COLGALT1: variants seen among roughly 807,000 people sequenced by gnomAD.
COLGALT1 encodes the protein collagen beta(1-O)galactosyltransferase 1, also known as procollagen galactosyltransferase 1.
In COLGALT1, 43 loss-of-function variants were observed where a neutral mutation model predicts 60.8. That is an observed-to-expected ratio of 0.71 (90% CI 0.55 to 0.91). The LOEUF (loss-of-function observed/expected upper bound fraction) is 0.91. Among genes scored for constraint, COLGALT1 ranks in the 40% least tolerant of loss-of-function variants. The pLI is 0.00. For synonymous variants in COLGALT1, 369 were observed against 374.2 expected, an observed-to-expected ratio of 0.99 and a Z score of 0.16; for missense variants, 845 against 880.0, an observed-to-expected ratio of 0.96 and a Z score of 0.50.
intron 5 of COLGALT1, among the ~76,000 whole-genome samples, chr19:17,569,119 G>A (rs1396840340): frequency 6.6e-6 from 1 of 152,062 alleles, no homozygotes; most frequent in Non-Finnish European, 1.5e-5. Context: ...GGCTGAGGCG[G>A]GAGGATCACT....
chr19:17,564,984 C>T (rs952889847), intron 3 of COLGALT1, among the ~76,000 whole-genome samples: 2 of 152,012 alleles, frequency 1.3e-5, no homozygotes, highest in Non-Finnish European at 2.9e-5. Flanking sequence ...TATGGCGTTT[C>T]GTGTCTGGTT....
chr19:17,570,926 T>A (rs2076308999), intron 5 of COLGALT1, among the ~76,000 whole-genome samples: 1 of 152,102 alleles, frequency 6.6e-6, no homozygotes, highest in African/African-American at 2.4e-5. Context: ...TTGTGACACA[T>A]GAAAACTGTA....
intron 6 of COLGALT1, 191 bp from the exon 7 acceptor site, chr19:17,577,004 T>TGGC: frequency 3.3e-6 from 1 of 307,172 alleles, no homozygotes; most frequent in Non-Finnish European, 6.1e-6. Context: ...GGCCAGGGCT[T>TGGC]TGGGCTGCTG....
At position 17,582,792 on chromosome 19, in the gene COLGALT1, G is replaced by A. The variant is rs542309841; in HGVS notation, c.*1348G>A. 6.6e-6 allele frequency: 1 copy of A among 152,390 alleles called. No homozygotes were observed. The highest frequency in any genetic ancestry group is 1.9e-4 in the East Asian group (1 of 5,180). 9.4% of individuals were successfully genotyped at this position (152,390 alleles called of 1,614,324 possible). A position where few individuals can be genotyped will look rare whatever the true frequency, so the allele number is the denominator to read the frequency against. On this transcript the variant is annotated 3_prime_UTR_variant, in exon 12 of 12. Coordinates refer to ENST00000252599, the MANE Select transcript of COLGALT1 (RefSeq NM_024656.4). ...CCACCAGGGGCAAGCACAGGTCCTG[G>A]TGGCCCCACGCCACATGTTAGCCCC... is the stretch of plus-strand genomic sequence containing the variant.
rs1368622729 is a variant in COLGALT1, at chr19:17,572,620, C to G, written c.949+18C>G. 4.3e-6 allele frequency: 7 copies of G among 1,613,192 alleles called. No homozygotes were observed. The highest frequency in any genetic ancestry group is 1.6e-4 in the Middle Eastern group (1 of 6,076). On this transcript the variant is annotated intron_variant, in intron 6 of 11. Coordinates refer to ENST00000252599, the MANE Select transcript of COLGALT1 (RefSeq NM_024656.4). ...GGTCATGGGTGAGTCTGCCTGCACACCGCCCTGGGAGGTGCCAGGTTGCCT... is the reference window on the plus strand; with the variant it reads ...GGTCATGGGTGAGTCTGCCTGCACAGCGCCCTGGGAGGTGCCAGGTTGCCT...
intron 1 of COLGALT1, 46 bp from the exon 2 acceptor site, chr19:17,559,265 C>A: frequency 2.1e-6 from 3 of 1,423,202 alleles, no homozygotes; most frequent in Non-Finnish European, 1.9e-6. Context: ...CTGCCTGGTC[C>A]TGCCTCAGTC....
intron 1 of COLGALT1, among the ~76,000 whole-genome samples, chr19:17,558,988 G>A (rs1245489052): frequency 5.3e-5 from 8 of 151,856 alleles, no homozygotes; most frequent in Non-Finnish European, 7.4e-5. Flanking sequence ...GTGAAACCCC[G>A]TCTCTACTAA....
chr19:17,579,260 G>A (rs2076363728), intron 9 of COLGALT1, among the ~76,000 whole-genome samples: 1 of 152,194 alleles, frequency 6.6e-6, no homozygotes, highest in African/African-American at 2.4e-5. Flanking sequence ...GGTGCATGAG[G>A]CGTGGGCATT....
At chr19:17,558,962 C>G (rs1000340929) in intron 1 of COLGALT1, among the ~76,000 whole-genome samples, 5 of 152,012 alleles carry the variant, frequency 3.3e-5, no homozygotes, top group South Asian at 2.1e-4. Context: ...AGATCGAGAC[C>G]AGCCTGGCCA....
At chr19:17,567,240 G>T (rs2076284575) in intron 3 of COLGALT1, among the ~76,000 whole-genome samples, 166 bp from the exon 4 acceptor site, 1 of 152,218 alleles carries the variant, frequency 6.6e-6, no homozygotes, top group African/African-American at 2.4e-5. Flanking sequence ...TGATCCAGGG[G>T]ATCCTGCAGG....
rs138950257 is a variant in COLGALT1 at position 17,582,055 on chromosome 19, C to T, written c.*611C>T. On this transcript the variant is annotated 3_prime_UTR_variant, in exon 12 of 12. Coordinates refer to ENST00000252599, the MANE Select transcript of COLGALT1 (RefSeq NM_024656.4). ...TCCCAAGTAGCTGGGACTATAGGTG[C>T]GTGCCATCACATCTGGCTAGTTTTT... 282 of 154,022 alleles carry T rather than the reference C, an allele frequency of 1.8e-3. 1 individual carries two copies. The highest frequency in any genetic ancestry group is 6.3e-3 in the African/African-American group (261 of 41,484). 9.5% of individuals were successfully genotyped at this position (154,022 alleles called of 1,614,324 possible).
chr19:17,578,171 T>G, intron 9 of COLGALT1, 82 bp downstream of exon 9: 1 of 1,410,536 alleles, frequency 7.1e-7, no homozygotes, highest in Non-Finnish European at 9.3e-7. Context: ...GTTGAAAGAG[T>G]TCCCCAAAGC....
At chr19:17,580,610 A>T in intron 10 of COLGALT1, 89 bp from the exon 11 acceptor site, 1 of 1,302,772 alleles carries the variant, frequency 7.7e-7, no homozygotes, top group Non-Finnish European at 1.1e-6. Context: ...CCATCCCAGG[A>T]CCTGACGGGG....
chr19:17,579,831 C>A, intron 10 of COLGALT1: 1 of 589,964 alleles, frequency 1.7e-6, no homozygotes. Context: ...GGCCACAGCG[C>A]TGCAGCTGAG....
Position 17,555,972 on chromosome 19 carries a change from T to C in COLGALT1, c.259T>C (p.Trp87Arg). ...GCACCCGCGGGAGCGCACGGCGCTA[T>C]GGTGAGTCGAGCCCGCTGTCCCCAT... ...LRHPRERTAL[W>R]VATDHNMDNT... The change falls in exon 1 of 12, where the codon TGG (tryptophan) becomes CGG (arginine). Residue 87 changes from tryptophan (W) to arginine (R), a missense_variant and splice_region_variant. Transcript: ENST00000252599. 1 of 1,352,624 alleles carries C rather than the reference T, an allele frequency of 7.4e-7. No homozygotes were observed. The highest frequency in any genetic ancestry group is 9.5e-7 in the Non-Finnish European group (1 of 1,050,480). The allele number at this position is 1,352,624 out of a possible 1,614,324, so 83.8% of individuals were successfully genotyped here. A position where few individuals can be genotyped will look rare whatever the true frequency, so the allele number is the denominator to read the frequency against.
chr19:17,556,987 G>C (rs1317442218), intron 1 of COLGALT1, among the ~76,000 whole-genome samples: 1 of 152,230 alleles, frequency 6.6e-6, no homozygotes, highest in Non-Finnish European at 1.5e-5. Context: ...AGATTATCCA[G>C]TTAATGGATG....
intron 1 of COLGALT1, among the ~76,000 whole-genome samples, chr19:17,557,400 A>G (rs2144812362): frequency 6.6e-6 from 1 of 152,122 alleles, no homozygotes; most frequent in South Asian, 2.1e-4. Flanking sequence ...CTCCGGGTTC[A>G]AGTGATTCTC....
intron 6 of COLGALT1, among the ~76,000 whole-genome samples, chr19:17,576,207 C>G (rs1372117119): frequency 1.3e-5 from 2 of 152,126 alleles, no homozygotes; most frequent in Non-Finnish European, 2.9e-5. Flanking sequence ...AACAGACAGG[C>G]ACAGGGCCAG....
intron 3 of COLGALT1, among the ~76,000 whole-genome samples, chr19:17,562,452 C>T (rs1050153967): frequency 1.3e-5 from 2 of 152,116 alleles, no homozygotes; most frequent in Admixed American, 6.6e-5. Context: ...TGTTTGACTT[C>T]AGGAGTTTGA....
Sources: gnomAD v4.1 joint callset for allele counts (sites outside exome capture counted in the v4.1 genomes callset) on GRCh38, gnomAD v4.1.1 for gene constraint, MANE v1.5 for transcripts, NCBI Gene and HGNC (gene_info 2026-07-23, HGNC 2026-07-21) for gene names.